The following DCBLD1 variants were observed in gnomAD, a reference collection of about 807,000 sequenced individuals.
DCBLD1 encodes the protein discoidin, CUB and LCCL domain containing 1, also known as discoidin, CUB and LCCL domain-containing protein 1.
In DCBLD1, 57 loss-of-function variants were observed where a neutral mutation model predicts 71.5. The ratio of observed to expected loss-of-function variants is 0.80; its 90% CI spans 0.64 to 0.99. DCBLD1 has a LOEUF of 0.99. Among genes scored for constraint, DCBLD1 ranks in the 50% least tolerant of loss-of-function variants. The pLI is 0.00. For missense variants in DCBLD1, 891 were observed against 923.5 expected (o/e 0.96, Z 0.46); for synonymous variants, 380 against 363.8 (o/e 1.04, Z -0.51).
At position 117,563,416 on chromosome 6, in the gene DCBLD1, T is replaced by C; in HGVS notation, c.1616-6204T>C. Reference sequence around the variant, plus strand: ...GAAAGGAGAAAAAAAAAGCAGACACTTTCTGGTTTAAAAAGTTGGTTTTGG... The same window carrying C: ...GAAAGGAGAAAAAAAAAGCAGACACCTTCTGGTTTAAAAAGTTGGTTTTGG... On this transcript the variant is annotated intron_variant, in intron 14 of 14. Coordinates refer to the DCBLD1 transcript ENST00000296955. The C allele has an allele frequency of 1.9e-6, 3 of 1,609,384 alleles. No homozygotes were observed. In the South Asian group the frequency reaches 3.3e-5, roughly 18 times the overall value.
chr6:117,526,981 T>C (rs77126372), intron 5 of DCBLD1, among the ~76,000 whole-genome samples: 4,208 of 152,306 alleles, frequency 0.028, 84 homozygotes, highest in East Asian at 0.051. Context: ...GGGAAGGATC[T>C]GCTTCTAAGC....
chr6:117,482,846 T>A lies in DCBLD1; in HGVS notation c.65T>A (p.Leu22Ter), dbSNP rs2114332671. ...ARAAGRGLLA[L>*]LLAVSAPLRL... ...GCTGCCGGGCGGGGCCTCCTGGCTT[T>A]GCTGCTCGCGGTCTCCGCCCCGCTC... is the stretch of plus-strand genomic sequence containing the variant. The change falls in exon 1 of 15, where the codon TTG (leucine) becomes TAG (stop). Residue 22 changes from leucine to a stop codon, truncating the protein, a stop_gained. Transcript: ENST00000338728. LOFTEE classifies it high-confidence loss of function. 8.5e-7 allele frequency: 1 copy of A among 1,181,442 alleles called. No homozygotes were observed. Among genetic ancestry groups the A allele is most frequent in the Non-Finnish European group, 1.0e-6 (1 of 956,236 alleles). 73.2% of individuals were successfully genotyped at this position (1,181,442 alleles called of 1,614,324 possible). A position where few individuals can be genotyped will look rare whatever the true frequency, so the allele number is the denominator to read the frequency against.
intron 14 of DCBLD1, chr6:117,563,259 A>G: frequency 6.2e-7 from 1 of 1,612,634 alleles, no homozygotes. Flanking sequence ...TCAATTTAAT[A>G]AGATTTTTTA....
At chr6:117,500,243 C>G (rs1480929150) in intron 1 of DCBLD1, among the ~76,000 whole-genome samples, 1 of 152,140 alleles carries the variant, frequency 6.6e-6, no homozygotes, top group African/African-American at 2.4e-5. Flanking sequence ...TTAGTCTTGC[C>G]ACAGAAAACT....
At chr6:117,564,082 A>G (rs1287809936) in intron 14 of DCBLD1, among the ~76,000 whole-genome samples, 1 of 151,718 alleles carries the variant, frequency 6.6e-6, no homozygotes, top group Admixed American at 6.6e-5. Flanking sequence ...GGCTCAAGCA[A>G]TCCTTCCACC....
chr6:117,563,657 G>A (rs910656326), intron 14 of DCBLD1, among the ~76,000 whole-genome samples: 2 of 151,914 alleles, frequency 1.3e-5, no homozygotes, highest in South Asian at 4.1e-4. Flanking sequence ...AGGAAGTGGA[G>A]GTTGCAGTGA....
intron 9 of DCBLD1, 190 bp downstream of exon 9, chr6:117,539,569 T>G (rs554363309): frequency 1.5e-5 from 8 of 523,754 alleles, no homozygotes; most frequent in Non-Finnish European, 2.4e-5. Context: ...CTGGGCAACA[T>G]AGCAAGACCC....
chr6:117,569,183 T>TCTA (rs1311111884), intron 14 of DCBLD1, among the ~76,000 whole-genome samples: 2 of 152,350 alleles, frequency 1.3e-5, no homozygotes, highest in South Asian at 2.1e-4. Flanking sequence ...TCAATCTACT[T>TCTA]CTAGCACTGT....
chr6:117,534,571 T>C (rs1778824657), intron 6 of DCBLD1, among the ~76,000 whole-genome samples: 1 of 152,182 alleles, frequency 6.6e-6, no homozygotes, highest in African/African-American at 2.4e-5. Flanking sequence ...GAATCGTTTG[T>C]CTGTATTTGT....
chr6:117,560,406 A>G (rs759945842), intron 14 of DCBLD1: 2 of 187,470 alleles, frequency 1.1e-5, no homozygotes, highest in Non-Finnish European at 2.3e-5. Flanking sequence ...CATAAATGCA[A>G]TAGATTTGAG....
chr6:117,483,023 A>C, intron 1 of DCBLD1, 130 bp downstream of exon 1: 1 of 988,562 alleles, frequency 1.0e-6, no homozygotes. Context: ...CGCGGGAGGA[A>C]GTCGGGCTCG....
rs1324967188 is a variant in DCBLD1, at chr6:117,503,753, T to C, written c.113-14T>C. ...CCCTTCTTCTTTTATTCCCCCCTTC[T>C]TTTTCTTTACCAGGTGATGGCTGTG... On this transcript the variant is annotated splice_polypyrimidine_tract_variant and intron_variant, in intron 1 of 14. Coordinates refer to ENST00000338728, the MANE Select transcript of DCBLD1 (RefSeq NM_001366458.2). 2 of 1,613,678 alleles carry C rather than the reference T, an allele frequency of 1.2e-6. No individual in the cohort carries two copies. The highest frequency in any genetic ancestry group is 1.7e-6 in the Non-Finnish European group (2 of 1,179,740).
At chr6:117,513,293 T>C (rs1778083446) in intron 2 of DCBLD1, among the ~76,000 whole-genome samples, 1 of 152,178 alleles carries the variant, frequency 6.6e-6, no homozygotes, top group Admixed American at 6.5e-5. Context: ...AAACAGGGAA[T>C]GTGCTGAGAG....
chr6:117,539,144 AGAT>A (rs1249482512), intron 8 of DCBLD1, 108 bp from the exon 9 acceptor site: 11 of 1,009,782 alleles, frequency 1.1e-5, no homozygotes, highest in Non-Finnish European at 1.3e-5. Context: ...TTGGCCTGTG[AGAT>A]GATCTGAGGT....
At chr6:117,509,638 C>G (rs1777951531) in intron 2 of DCBLD1, among the ~76,000 whole-genome samples, 1 of 152,084 alleles carries the variant, frequency 6.6e-6, no homozygotes, top group Non-Finnish European at 1.5e-5. Context: ...TCTTCTTCCT[C>G]CTCCTGAGTT....
chr6:117,508,604 T>C (rs568464331), intron 2 of DCBLD1, among the ~76,000 whole-genome samples: 2 of 152,206 alleles, frequency 1.3e-5, no homozygotes, highest in Admixed American at 1.3e-4. Flanking sequence ...CCATTTCCAG[T>C]CTTGCTGACC....
At position 117,548,269 on chromosome 6, in the gene DCBLD1, C is replaced by A; in HGVS notation, c.1978C>A (p.Pro660Thr). 1 of 1,550,646 alleles carries A rather than the reference C, an allele frequency of 6.4e-7. No individual in the cohort carries two copies. The highest frequency in any genetic ancestry group is 8.7e-7 in the Non-Finnish European group (1 of 1,146,992). The change falls in exon 15 of 15, where the codon CCT (proline) becomes ACT (threonine). Residue 660 changes from proline to threonine, a missense_variant. Physicochemically the swap from Pro to Thr is conservative, Grantham distance 38. Coordinates refer to ENST00000338728, the MANE Select transcript of DCBLD1 (RefSeq NM_001366458.2). Reference protein sequence around the residue: ...GDYQRPHSAQPADRGYDRPKA... With the variant: ...GDYQRPHSAQTADRGYDRPKA... ...CTATCAAAGGCCACACAGCGCACAG[C>A]CTGCGGACAGGGGCTACGACCGGCC...
chr6:117,528,941 C>T (rs879731983), intron 5 of DCBLD1, among the ~76,000 whole-genome samples: 3 of 152,124 alleles, frequency 2.0e-5, no homozygotes, highest in Admixed American at 1.3e-4. Flanking sequence ...CCTGGGTTCA[C>T]GCCATTCTCC....
At chr6:117,547,780 T>C in intron 14 of DCBLD1, 127 bp from the exon 15 acceptor site, 2 of 1,540,794 alleles carry the variant, frequency 1.3e-6, no homozygotes, top group Non-Finnish European at 1.8e-6. Flanking sequence ...CCGCAGTGCC[T>C]GGGACACCTG....
Sources: gnomAD v4.1 joint callset for allele counts (sites outside exome capture counted in the v4.1 genomes callset) on GRCh38, gnomAD v4.1.1 for gene constraint, MANE v1.5 for transcripts, NCBI Gene and HGNC (gene_info 2026-07-23, HGNC 2026-07-21) for gene names.